Variants in CDH8 observed in about 807,000 individuals in gnomAD.
CDH8 encodes cadherin-8.
Under a neutral mutation model 68.1 loss-of-function variants are expected in CDH8, and 17 were observed. The ratio of observed to expected loss-of-function variants is 0.25; its 90% confidence interval spans 0.17 to 0.37. The LOEUF (loss-of-function observed/expected upper bound fraction) is 0.37, where lower values mean the gene tolerates loss of function less well. Ranked by LOEUF, CDH8 falls within the 10% of genes least tolerant of loss-of-function variation. The pLI, the probability that CDH8 is intolerant of heterozygous loss-of-function variation, is 1.00. For synonymous variants in CDH8, 372 were observed against 365.1 expected (o/e 1.02, Z -0.21); for missense variants, 763 against 999.3 (o/e 0.76, Z 3.19).
chr16:62,024,052 C>T (rs1397519561), intron 1 of CDH8, among the ~76,000 whole-genome samples: 3 of 151,996 alleles, frequency 2.0e-5, no homozygotes, highest in Non-Finnish European at 4.4e-5. Context: ...GGGTTGATCT[C>T]CATCTCGAAC....
chr16:61,739,986 C>T (rs1311621477), intron 8 of CDH8, among the ~76,000 whole-genome samples: 1 of 148,610 alleles, frequency 6.7e-6, no homozygotes, highest in East Asian at 2.0e-4. Context: ...CGGCTCACTG[C>T]AACCTCCACC....
intron 8 of CDH8, among the ~76,000 whole-genome samples, chr16:61,745,529 A>G (rs1960000275): frequency 6.7e-6 from 1 of 150,124 alleles, no homozygotes; most frequent in Non-Finnish European, 1.5e-5. Context: ...TCTTATGCTC[A>G]TATTTGTATT....
intron 2 of CDH8, among the ~76,000 whole-genome samples, chr16:61,930,664 C>T (rs1313632118): frequency 6.6e-6 from 1 of 152,162 alleles, no homozygotes. Context: ...TATGTGGACC[C>T]TTTATTTCAT....
Position 61,653,840 on chromosome 16 carries a change from T to G in CDH8, c.2168A>C (p.Glu723Ala). Residue 723 changes from glutamate (E) to alanine (A), a missense_variant, in exon 12 of 12, where the codon GAA becomes GCA. Transcript: ENST00000577390. ...CTCATGCAGCCTTACATTTATAAAT[T>G]CATCGACATCAACACCATTTGGAAC... is the stretch of plus-strand genomic sequence containing the variant. Reference protein sequence around the residue: ...APVPNGVDVDEFINVRLHEAD... With the variant: ...APVPNGVDVDAFINVRLHEAD... 1 of 1,614,164 alleles carries G rather than the reference T, an allele frequency of 6.2e-7. No homozygotes were observed. The highest frequency in any genetic ancestry group is 8.5e-7 in the Non-Finnish European group (1 of 1,180,050).
chr16:61,789,618 A>T (rs747956838), intron 7 of CDH8, 136 bp from the exon 8 acceptor site: 7 of 796,794 alleles, frequency 8.8e-6, no homozygotes, highest in Non-Finnish European at 1.3e-5. Context: ...ATCATAATTT[A>T]TAAAACAAAA....
At chr16:61,741,246 A>G (rs2069155716) in intron 8 of CDH8, among the ~76,000 whole-genome samples, 2 of 152,066 alleles carry the variant, frequency 1.3e-5, no homozygotes, top group South Asian at 4.1e-4. Context: ...AGTTGCCTAT[A>G]TTTTCCTAAT....
chr16:61,702,556 G>A (rs1469498800), intron 10 of CDH8, among the ~76,000 whole-genome samples: 1 of 152,022 alleles, frequency 6.6e-6, no homozygotes, highest in East Asian at 1.9e-4. Flanking sequence ...TTGTGATCTA[G>A]ACCTGTAATA....
intron 4 of CDH8, among the ~76,000 whole-genome samples, chr16:61,846,006 T>C (rs1433395987): frequency 6.6e-6 from 1 of 152,110 alleles, no homozygotes; most frequent in African/African-American, 2.4e-5. Flanking sequence ...AAATTACTTT[T>C]AAATTAGAGT....
At chr16:62,017,586 A>G (rs1057472698) in intron 2 of CDH8, among the ~76,000 whole-genome samples, 1 of 152,218 alleles carries the variant, frequency 6.6e-6, no homozygotes, top group African/African-American at 2.4e-5. Flanking sequence ...AGAAGGGACT[A>G]TTCACTTGTG....
intron 4 of CDH8, among the ~76,000 whole-genome samples, chr16:61,854,293 C>A (rs1478892476): frequency 6.6e-6 from 1 of 152,046 alleles, no homozygotes; most frequent in African/African-American, 2.4e-5. Flanking sequence ...CAAGACCCTG[C>A]TTTCCACAGG....
chr16:61,818,007 C>A, intron 6 of CDH8: 1 of 293,722 alleles, frequency 3.4e-6, no homozygotes, highest in Non-Finnish European at 6.3e-6. Flanking sequence ...TGAATTGTGC[C>A]ATCAAAATTT....
At chr16:61,970,459 T>A (rs1449385425) in intron 2 of CDH8, among the ~76,000 whole-genome samples, 1 of 152,148 alleles carries the variant, frequency 6.6e-6, no homozygotes, top group East Asian at 1.9e-4. Flanking sequence ...TGTATATGTG[T>A]ATCAAAATGT....
At chr16:62,034,217 A>ACACACACACACACGCG (rs1039068798) in intron 1 of CDH8, among the ~76,000 whole-genome samples, 23 of 151,368 alleles carry the variant, frequency 1.5e-4, no homozygotes, top group African/African-American at 5.4e-4. Context: ...ACACACACAC[A>ACACACACACACACGCG]CGCACACGAA....
At chr16:61,676,135 C>T (rs1164786721) in intron 10 of CDH8, among the ~76,000 whole-genome samples, 1 of 131,782 alleles carries the variant, frequency 7.6e-6, no homozygotes, top group Non-Finnish European at 1.6e-5. Flanking sequence ...ATACAAACTA[C>T]ACACACACTC....
chr16:61,965,815 T>C (rs1016848269), intron 2 of CDH8, among the ~76,000 whole-genome samples: 2 of 152,194 alleles, frequency 1.3e-5, no homozygotes, highest in African/African-American at 4.8e-5. Flanking sequence ...AGTGGGCACT[T>C]TCATGAAAAT....
intron 8 of CDH8, among the ~76,000 whole-genome samples, chr16:61,729,772 A>C (rs1384278026): frequency 6.6e-6 from 1 of 151,428 alleles, no homozygotes; most frequent in African/African-American, 2.4e-5. Context: ...AATAAACTGC[A>C]TGTACAGATT....
In CDH8 at chr16:61,647,899, T is replaced by A; in HGVS notation, c.*5709A>T. 1 of 696,100 alleles carries A rather than the reference T, an allele frequency of 1.4e-6. No individual in the cohort carries two copies. Among genetic ancestry groups the A allele is most frequent in the East Asian group, 2.7e-5 (1 of 37,158 alleles). 43.1% of individuals were successfully genotyped at this position (696,100 alleles called of 1,614,324 possible). On this transcript the variant is annotated 3_prime_UTR_variant, in exon 12 of 12. Transcript: ENST00000577390. ...ACCCTCTTCTGTAATCTGTGGATAA[T>A]AATAGAAATATCTATTATCTATTAG...
At chr16:61,941,441 T>TTTTTG (rs1324492511) in intron 2 of CDH8, among the ~76,000 whole-genome samples, 1 of 152,230 alleles carries the variant, frequency 6.6e-6, no homozygotes, top group East Asian at 1.9e-4. Context: ...TCTCCTGTTC[T>TTTTTG]TTTTGTTTTG....
At chr16:61,820,888 A>T (rs756269005) in intron 6 of CDH8, 38 bp downstream of exon 6, 9 of 1,557,302 alleles carry the variant, frequency 5.8e-6, no homozygotes, top group Non-Finnish European at 7.9e-6. Flanking sequence ...AGTTTCAACA[A>T]GATATTTTGA....
Sources: gnomAD v4.1 joint callset for allele counts (sites outside exome capture counted in the v4.1 genomes callset) on GRCh38, gnomAD v4.1.1 for gene constraint, MANE v1.5 for transcripts, NCBI Gene and HGNC (gene_info 2026-07-23, HGNC 2026-07-21) for gene names.